MRPL45: variants seen among roughly 807,000 people sequenced by gnomAD.
MRPL45 encodes the protein large ribosomal subunit protein mL45.
Under a neutral mutation model 38.1 loss-of-function variants are expected in MRPL45, and 20 were observed. The ratio of observed to expected loss-of-function variants is 0.53; its 90% CI spans 0.37 to 0.76. The LOEUF is 0.76. Among genes scored for constraint, MRPL45 ranks in the 30% least tolerant of loss-of-function variants. The pLI, the probability that MRPL45 is intolerant of heterozygous loss-of-function variation, is 0.00. For missense variants in MRPL45, 337 were observed against 395.6 expected (o/e 0.85, Z 1.26); for synonymous variants, 105 against 128.8 (o/e 0.82, Z 1.25).
At chr17:38,308,949 C>G (rs907897969) in intron 4 of MRPL45, among the ~76,000 whole-genome samples, 11 of 151,700 alleles carry the variant, frequency 7.3e-5, no homozygotes, top group Middle Eastern at 3.4e-3. Context: ...GCTCTGTCAC[C>G]AGGCTGGAGT....
chr17:38,312,490 A>G (rs1052807635), intron 4 of MRPL45, among the ~76,000 whole-genome samples: 3 of 152,050 alleles, frequency 2.0e-5, no homozygotes, highest in Admixed American at 1.3e-4. Flanking sequence ...TTGGTGTACA[A>G]GTATCTGTTT....
At chr17:38,322,043 A>G in intron 6 of MRPL45, 83 bp from the exon 7 acceptor site, 1 of 1,427,834 alleles carries the variant, frequency 7.0e-7, no homozygotes, top group South Asian at 1.3e-5. Context: ...AAAAAAAAAA[A>G]AAGGTTGTAT....
chr17:38,306,629 T>C lies in MRPL45; in HGVS notation c.459T>C (p.Asn153=), dbSNP rs2037058074. ...DIFIEAHLCL[N]NSDHDRLHTL... ...TTATTGAAGCTCACCTTTGTCTAAATAAGTAAGTGAACTCCCTATCTTTAC... is the reference window on the plus strand; with the variant it reads ...TTATTGAAGCTCACCTTTGTCTAAACAAGTAAGTGAACTCCCTATCTTTAC... The change falls in exon 4 of 8, where the codon AAT becomes AAC. Residue 153 remains asparagine (N), a splice_region_variant and synonymous_variant. Coordinates refer to ENST00000613675, the MANE Select transcript of MRPL45 (RefSeq NM_032351.6). 1 of 1,613,422 alleles carries C rather than the reference T, an allele frequency of 6.2e-7. No homozygotes were observed. The highest frequency in any genetic ancestry group is 8.5e-7 in the Non-Finnish European group (1 of 1,179,886).
At chr17:38,313,347 C>T (rs1310046041) in intron 4 of MRPL45, among the ~76,000 whole-genome samples, 11 of 18,096 alleles carry the variant, frequency 6.1e-4, no homozygotes, top group African/African-American at 1.7e-3. Flanking sequence ...TATATATATA[C>T]GTATATATAT....
intron 4 of MRPL45, among the ~76,000 whole-genome samples, chr17:38,316,263 A>C (rs1278499999): frequency 1.3e-5 from 2 of 151,964 alleles, no homozygotes. Context: ...AAGTTCACTG[A>C]TACTTTGCCT....
At chr17:38,306,454 C>T (rs2037055634) in intron 3 of MRPL45, 79 bp from the exon 4 acceptor site, 1 of 1,358,012 alleles carries the variant, frequency 7.4e-7, no homozygotes, top group Non-Finnish European at 1.0e-6. Context: ...AGTGGATGGA[C>T]ATGAATGGAG....
At chr17:38,316,587 T>A (rs1437337395) in intron 4 of MRPL45, among the ~76,000 whole-genome samples, 1 of 151,562 alleles carries the variant, frequency 6.6e-6, no homozygotes, top group Non-Finnish European at 1.5e-5. Flanking sequence ...GGCGGGCAGA[T>A]CACTTGAGTC....
At chr17:38,308,980 T>TA (rs1368840806) in intron 4 of MRPL45, among the ~76,000 whole-genome samples, 20 of 151,804 alleles carry the variant, frequency 1.3e-4, no homozygotes, top group Non-Finnish European at 2.4e-4. Context: ...AATCTCGACT[T>TA]ACTGCAACCT....
intron 4 of MRPL45, among the ~76,000 whole-genome samples, chr17:38,318,080 C>T (rs1190716663): frequency 6.6e-6 from 1 of 151,718 alleles, no homozygotes; most frequent in Non-Finnish European, 1.5e-5. Flanking sequence ...TCATGACGTG[C>T]ACTTGTAGTC....
At chr17:38,318,824 T>TTC in intron 5 of MRPL45, 89 bp downstream of exon 5, 3 of 34,108 alleles carry the variant, frequency 8.8e-5, no homozygotes. Flanking sequence ...TTTCTTTTCT[T>TTC]TTCTTTTTTT....
chr17:38,312,441 G>C (rs916769482), intron 4 of MRPL45, among the ~76,000 whole-genome samples: 1 of 152,170 alleles, frequency 6.6e-6, no homozygotes. Context: ...CATTCAGGTT[G>C]TTTCCACCTT....
intron 3 of MRPL45, among the ~76,000 whole-genome samples, chr17:38,301,153 T>C (rs569846503): frequency 6.6e-6 from 1 of 152,184 alleles, no homozygotes; most frequent in Non-Finnish European, 1.5e-5. Context: ...TCCAAACTAA[T>C]TGCCAATTCC....
chr17:38,312,357 C>T (rs2037121427), intron 4 of MRPL45, among the ~76,000 whole-genome samples: 1 of 152,120 alleles, frequency 6.6e-6, no homozygotes, highest in Non-Finnish European at 1.5e-5. Flanking sequence ...CGTATGTCTC[C>T]TTATTAAGGC....
At position 38,318,706 on chromosome 17, in the gene MRPL45, CATA is replaced by C; in HGVS notation, c.482_484del (p.His161_Thr162delinsPro). 6.2e-7 allele frequency: 1 copy of C among 1,610,288 alleles called. No homozygotes were observed. The highest frequency in any genetic ancestry group is 8.5e-7 in the Non-Finnish European group (1 of 1,177,024). On this transcript the variant is annotated inframe_deletion, in exon 5 of 8. Transcript: ENST00000613675. ...TTCTAGCTCAGACCATGACCGGCTTCATACCTTGGTAACTGAACACTGTTTTCC... is the reference window on the plus strand; with the variant it reads ...TTCTAGCTCAGACCATGACCGGCTTCCCTTGGTAACTGAACACTGTTTTCC...
intron 4 of MRPL45, among the ~76,000 whole-genome samples, chr17:38,311,700 AAAAAG>A (rs2037113584): frequency 6.6e-6 from 1 of 151,632 alleles, no homozygotes; most frequent in Non-Finnish European, 1.5e-5. Context: ...AAAAAAAAAA[AAAAAG>A]AGACCTGAGG....
At chr17:38,311,425 C>T (rs1475520912) in intron 4 of MRPL45, among the ~76,000 whole-genome samples, 4 of 152,056 alleles carry the variant, frequency 2.6e-5, no homozygotes, top group Non-Finnish European at 4.4e-5. Context: ...TGGTGGTTCA[C>T]GCCTATAATC....
chr17:38,322,663 C>A lies in MRPL45; in HGVS notation c.*68C>A. The A allele has an allele frequency of 1.7e-6, 2 of 1,201,142 alleles. No homozygotes were observed. The highest frequency in any genetic ancestry group is 2.4e-6 in the Non-Finnish European group (2 of 828,024). 74.4% of individuals were successfully genotyped at this position (1,201,142 alleles called of 1,614,324 possible). On this transcript the variant is annotated 3_prime_UTR_variant, in exon 8 of 8. Coordinates refer to ENST00000613675, the MANE Select transcript of MRPL45 (RefSeq NM_032351.6). ...GCTGGAAGCTTTGAAGTCTCCCATT[C>A]CCCTCATGCTATAAAAAGAACTACC...
chr17:38,320,862 G>C (rs920879045), intron 6 of MRPL45, 95 bp downstream of exon 6: 1 of 1,217,684 alleles, frequency 8.2e-7, no homozygotes, highest in Non-Finnish European at 1.2e-6. Flanking sequence ...CAGGACTGTA[G>C]ACAGTAATAA....
intron 3 of MRPL45, among the ~76,000 whole-genome samples, chr17:38,305,109 T>G (rs1041312184): frequency 6.6e-6 from 1 of 150,702 alleles, no homozygotes; most frequent in African/African-American, 2.4e-5. Context: ...CCTCCCAAAG[T>G]GCTGGGATTA....
Sources: allele counts gnomAD v4.1 joint callset (sites outside exome capture counted in the v4.1 genomes callset), GRCh38; gene constraint gnomAD v4.1.1; transcripts MANE v1.5; gene names NCBI Gene and HGNC (gene_info 2026-07-23, HGNC 2026-07-21).